VPS13D: variants seen among roughly 807,000 people sequenced by gnomAD.
VPS13D encodes vacuolar protein sorting 13 homolog D.
In VPS13D, 187 loss-of-function variants were observed where a neutral mutation model predicts 461.9. The ratio of observed to expected loss-of-function variants is 0.40; its 90% CI spans 0.36 to 0.46. The LOEUF (loss-of-function observed/expected upper bound fraction) is 0.46. Among genes scored for constraint, VPS13D ranks in the 20% least tolerant of loss-of-function variants. The pLI, the probability that VPS13D is intolerant of heterozygous loss-of-function variation, is 0.60. For synonymous variants in VPS13D, 1,951 were observed against 1,986.3 expected (o/e 0.98, Z 0.47); for missense variants, 4,711 against 5,364.9 (o/e 0.88, Z 3.81).
At chr1:12,320,408 C>T (rs903697793) in intron 32 of VPS13D, among the ~76,000 whole-genome samples, 12 of 152,170 alleles carry the variant, frequency 7.9e-5, no homozygotes, top group Non-Finnish European at 1.6e-4. Context: ...GTCGGGGTTC[C>T]TTTTGCTTTA....
At chr1:12,429,088 C>T (rs1161850110) in intron 65 of VPS13D, among the ~76,000 whole-genome samples, 1 of 150,916 alleles carries the variant, frequency 6.6e-6, no homozygotes, top group Non-Finnish European at 1.5e-5. Flanking sequence ...TGGAGGGGGG[C>T]CAGGATTTTA....
chr1:12,264,183 C>T (rs879580038), intron 13 of VPS13D, among the ~76,000 whole-genome samples: 26 of 152,164 alleles, frequency 1.7e-4, no homozygotes, highest in Admixed American at 2.6e-4. Context: ...ACTGCTCCAC[C>T]GACTGGCCAT....
At chr1:12,356,631 A>G (rs915011123) in intron 49 of VPS13D, 107 bp downstream of exon 49, 1 of 1,405,574 alleles carries the variant, frequency 7.1e-7, no homozygotes, top group East Asian at 2.5e-5. Flanking sequence ...GTAGATAACA[A>G]TCCTGACTTG....
rs41300102 is a variant in VPS13D, at chr1:12,242,363, G to A, written c.98-150G>A. On this transcript the variant is annotated intron_variant, in intron 2 of 69. Transcript: ENST00000620676. ...CTTTAACCTACACATGATGTAGCCC[G>A]TTCTAGATGTAAAACTTTCCTTTAA... 7.9e-3 allele frequency: 5,121 copies of A among 648,006 alleles called. 38 individuals are homozygous for A. The highest frequency in any genetic ancestry group is 0.01 in the Non-Finnish European group (3,739 of 373,468). 40.1% of individuals were successfully genotyped at this position (648,006 alleles called of 1,614,324 possible).
intron 55 of VPS13D, among the ~76,000 whole-genome samples, chr1:12,377,351 C>A (rs532594218): frequency 6.6e-6 from 1 of 151,794 alleles, no homozygotes; most frequent in Non-Finnish European, 1.5e-5. Flanking sequence ...TGAGCCACCA[C>A]GCCCGGCCTA....
At chr1:12,308,933 C>T (rs567461043) in intron 27 of VPS13D, among the ~76,000 whole-genome samples, 1 of 152,282 alleles carries the variant, frequency 6.6e-6, no homozygotes, top group Non-Finnish European at 1.5e-5. Context: ...GCGTGAGCCA[C>T]CATGCCCAGC....
At chr1:12,423,101 G>T (rs1480142093) in intron 65 of VPS13D, among the ~76,000 whole-genome samples, 1 of 152,046 alleles carries the variant, frequency 6.6e-6, no homozygotes, top group Admixed American at 6.5e-5. Flanking sequence ...TTCTTTATAG[G>T]CAATAAGAAC....
chr1:12,233,355 A>G (rs1231940219), intron 1 of VPS13D, among the ~76,000 whole-genome samples: 1 of 152,206 alleles, frequency 6.6e-6, no homozygotes, highest in Admixed American at 6.5e-5. Flanking sequence ...TTCTGTCTTA[A>G]TCTAGGATAA....
intron 63 of VPS13D, among the ~76,000 whole-genome samples, chr1:12,405,546 T>C (rs1644641751): frequency 6.6e-6 from 1 of 152,168 alleles, no homozygotes; most frequent in Non-Finnish European, 1.5e-5. Flanking sequence ...GGAGCAGGAA[T>C]GGCTCTTGCA....
chr1:12,394,317 C>T (rs1644467458), intron 60 of VPS13D, among the ~76,000 whole-genome samples: 1 of 152,120 alleles, frequency 6.6e-6, no homozygotes, highest in Non-Finnish European at 1.5e-5. Flanking sequence ...CAGCAGGCTT[C>T]CTATTAATTT....
rs1006188274 is a variant in VPS13D at position 12,236,791 on chromosome 1, A to G, written c.97+2428A>G. ...GGGTATTGATTTTTTTAGCTAAACT[A>G]TGTGTTTGAATCCCAGTTCTTCCAT... On this transcript the variant is annotated intron_variant, in intron 2 of 69. Coordinates refer to ENST00000620676, the MANE Select transcript of VPS13D (RefSeq NM_015378.4). Among the ~76,000 whole-genome samples the G allele has an allele frequency of 2.0e-4, 30 of 152,246 alleles. 1 individual carries two copies. The highest frequency in any genetic ancestry group is 2.1e-4 in the South Asian group (1 of 4,824).
chr1:12,325,044 A>G (rs1643143171), intron 35 of VPS13D, among the ~76,000 whole-genome samples: 1 of 152,106 alleles, frequency 6.6e-6, no homozygotes, highest in Non-Finnish European at 1.5e-5. Flanking sequence ...TTCTCTTCAA[A>G]AAGAGAAGTA....
At position 12,506,902 on chromosome 1, in the gene VPS13D, A is replaced by G. The variant is rs757878701; in HGVS notation, c.12844A>G (p.Lys4282Glu). ...CAGCTACTGCGTGCTCATCTCCTCC[A>G]AAGCTGTTTACTTCCTGAAAAGTGG... ...IDSYCVLISS[K>E]AVYFLKSGDY... Residue 4282 changes from lysine (K) to glutamate (E), a missense_variant, in exon 69 of 70, where the codon AAA becomes GAA. Coordinates refer to ENST00000620676, the MANE Select transcript of VPS13D (RefSeq NM_015378.4). 1.2e-6 allele frequency: 2 copies of G among 1,614,254 alleles called. No homozygotes were observed. The highest frequency in any genetic ancestry group is 1.7e-6 in the Non-Finnish European group (2 of 1,180,048).
chr1:12,358,833 T>C (rs1489112277), intron 50 of VPS13D, among the ~76,000 whole-genome samples: 2 of 152,202 alleles, frequency 1.3e-5, no homozygotes, highest in Non-Finnish European at 2.9e-5. Flanking sequence ...TGGCTCTGTT[T>C]AATTTCAGAC....
At chr1:12,385,111 TCTTAC>T (rs879060740) in intron 58 of VPS13D, 144 bp from the exon 59 acceptor site, 17 of 637,196 alleles carry the variant, frequency 2.7e-5, no homozygotes, top group South Asian at 2.5e-4. Flanking sequence ...ATTACACAAA[TCTTAC>T]CTTACCAGTG....
intron 50 of VPS13D, among the ~76,000 whole-genome samples, chr1:12,361,403 A>ATTTATTTT (rs1553183518): frequency 1.3e-3 from 176 of 133,994 alleles, no homozygotes; most frequent in African/African-American, 4.4e-3. Flanking sequence ...TTATTTATTT[A>ATTTATTTT]TTTTTTTTTT....
At position 12,383,065 on chromosome 1, in the gene VPS13D, T is replaced by C; in HGVS notation, c.11280T>C (p.Pro3760=). The C allele has an allele frequency of 6.2e-7, 1 of 1,614,154 alleles. No individual in the cohort carries two copies. Among genetic ancestry groups the C allele is most frequent in the Non-Finnish European group, 8.5e-7 (1 of 1,180,020 alleles). Residue 3760 remains proline, a synonymous_variant, in exon 58 of 70, where the codon CCT becomes CCC. Transcript: ENST00000620676. ...TGGAGCTTTTGGGGCCAGTTCCACC[T>C]GAACAACAATTTATTAATCAAAAAA... ...TSMELLGPVP[P]EQQFINQKMR... is the part of the protein sequence containing the mutation.
rs779610949 is a variant in VPS13D, at chr1:12,304,688, G to A, written c.6399G>A (p.Pro2133=). The A allele has an allele frequency of 1.4e-5, 22 of 1,613,796 alleles. No individual in the cohort carries two copies. The highest frequency in any genetic ancestry group is 2.2e-5 in the East Asian group (1 of 44,884). The change falls in exon 26 of 70, where the codon CCG becomes CCA. Residue 2133 remains proline (P), a synonymous_variant. Transcript: ENST00000620676. ...VPSTSTKQQG[P]QPTLSVGQES... ...GTACCTCCACCAAGCAGCAAGGGCC[G>A]CAACCCACACTGTCTGTTGGCCAAG...
chr1:12,448,278 C>T (rs1479190763), intron 65 of VPS13D, among the ~76,000 whole-genome samples: 1 of 152,042 alleles, frequency 6.6e-6, no homozygotes, highest in African/African-American at 2.4e-5. Context: ...ATGGTGTGAC[C>T]GCCATAGAGG....
Sources: gnomAD v4.1 joint callset for allele counts (sites outside exome capture counted in the v4.1 genomes callset) on GRCh38, gnomAD v4.1.1 for gene constraint, MANE v1.5 for transcripts, NCBI Gene and HGNC (gene_info 2026-07-23, HGNC 2026-07-21) for gene names.